The following DIAPH2 variants were observed in gnomAD, a reference collection of about 807,000 sequenced individuals.
The protein encoded by DIAPH2 is protein diaphanous homolog 2.
Under a neutral mutation model 92.7 loss-of-function variants are expected in DIAPH2, and 35 were observed. That is an observed-to-expected ratio of 0.38 (90% CI 0.29 to 0.50). The LOEUF is 0.50. DIAPH2 is among the 20% of genes least tolerant of loss of function. DIAPH2 has a pLI of 0.94. For missense variants in DIAPH2, 701 were observed against 819.5 expected (o/e 0.86, Z 1.77); for synonymous variants, 301 against 280.4 (o/e 1.07, Z -0.73).
At chrX:97,488,356 A>G (rs1386874831) in intron 26 of DIAPH2, among the ~76,000 whole-genome samples, 1 of 112,213 alleles carries the variant, frequency 8.9e-6, no homozygotes, top group Non-Finnish European at 1.9e-5. Flanking sequence ...TTGCATAGTT[A>G]GCCCTTTATC....
intron 4 of DIAPH2, among the ~76,000 whole-genome samples, chrX:96,836,963 G>A (rs1240405770): frequency 9.5e-6 from 1 of 104,972 alleles, no homozygotes; most frequent in Non-Finnish European, 1.9e-5. Flanking sequence ...TCCTGACCTC[G>A]TGATCCGCCC....
At chrX:96,716,137 A>T (rs1239735305) in intron 1 of DIAPH2, among the ~76,000 whole-genome samples, 1 of 111,629 alleles carries the variant, frequency 9.0e-6, no homozygotes, top group Non-Finnish European at 1.9e-5. Context: ...GATATGTTTA[A>T]TCATTGTCCC....
chrX:96,923,474 C>T (rs1191901395), intron 9 of DIAPH2, among the ~76,000 whole-genome samples: 1 of 112,142 alleles, frequency 8.9e-6, no homozygotes, highest in Non-Finnish European at 1.9e-5. Flanking sequence ...GAGCAGCCTA[C>T]AAATGTCACC....
chrX:97,493,387 G>A (rs1318063590), intron 26 of DIAPH2, among the ~76,000 whole-genome samples: 1 of 110,556 alleles, frequency 9.0e-6, no homozygotes, highest in African/African-American at 3.3e-5. Context: ...TCAGCCTCCT[G>A]AGTAGCTGGG....
At chrX:96,809,913 A>G (rs1569401210) in intron 4 of DIAPH2, among the ~76,000 whole-genome samples, 1 of 112,367 alleles carries the variant, frequency 8.9e-6, no homozygotes, top group African/African-American at 3.2e-5. Flanking sequence ...AATCCAATCT[A>G]TCACAGATGG....
intron 26 of DIAPH2, among the ~76,000 whole-genome samples, chrX:97,495,515 C>A (rs778065350): frequency 9.0e-6 from 1 of 111,314 alleles, no homozygotes; most frequent in South Asian, 3.8e-4. Context: ...TAAGTGGTAC[C>A]AAGGTATCAG....
chrX:97,334,998 C>CAAAAAAAAAAAA (rs746536131), intron 23 of DIAPH2, among the ~76,000 whole-genome samples: 467 of 31,277 alleles, frequency 0.015, 21 homozygotes, highest in African/African-American at 0.02. Context: ...AAAAACAAAA[C>CAAAAAAAAAAAA]AAAAAAAAAA....
intron 22 of DIAPH2, among the ~76,000 whole-genome samples, chrX:97,230,548 C>T (rs1178645362): frequency 1.8e-5 from 2 of 111,578 alleles, no homozygotes. Flanking sequence ...GTCACAGACC[C>T]ATTTGTATGT....
intron 4 of DIAPH2, among the ~76,000 whole-genome samples, chrX:96,874,452 A>G (rs1230749608): frequency 8.9e-6 from 1 of 112,269 alleles, no homozygotes; most frequent in African/African-American, 3.2e-5. Flanking sequence ...ATTGCTTAAC[A>G]CTAGTTTTAA....
chrX:96,704,859 A>G (rs958730480), intron 1 of DIAPH2, among the ~76,000 whole-genome samples: 1 of 111,232 alleles, frequency 9.0e-6, no homozygotes, highest in Non-Finnish European at 1.9e-5. Context: ...GGAACAGGAA[A>G]GATTAATAAT....
intron 23 of DIAPH2, among the ~76,000 whole-genome samples, chrX:97,297,061 G>A (rs1249846480): frequency 1.0e-5 from 1 of 96,492 alleles, no homozygotes; most frequent in Non-Finnish European, 2.0e-5. Flanking sequence ...ACAGGTGTGA[G>A]CCACCAGGCC....
intron 22 of DIAPH2, among the ~76,000 whole-genome samples, chrX:97,224,688 T>G (rs1198185055): frequency 8.9e-6 from 1 of 111,813 alleles, no homozygotes; most frequent in Non-Finnish European, 1.9e-5. Flanking sequence ...TAATCCTTAT[T>G]TGAGTCATTC....
At chrX:97,376,148 T>C (rs1265218801) in intron 24 of DIAPH2, among the ~76,000 whole-genome samples, 1 of 111,233 alleles carries the variant, frequency 9.0e-6, no homozygotes, top group Non-Finnish European at 1.9e-5. Context: ...CCCAGGAACC[T>C]TCATCACTCA....
intron 21 of DIAPH2, among the ~76,000 whole-genome samples, chrX:97,140,830 A>G (rs937718799): frequency 2.7e-5 from 3 of 111,730 alleles, no homozygotes; most frequent in African/African-American, 9.7e-5. Flanking sequence ...AAAATTCCAA[A>G]TCAGTATGAA....
intron 1 of DIAPH2, among the ~76,000 whole-genome samples, chrX:96,690,036 A>G (rs1221180681): frequency 9.2e-6 from 1 of 109,065 alleles, no homozygotes; most frequent in South Asian, 4.0e-4. Context: ...ACCTATCCAT[A>G]CATTCCTCTT....
chrX:97,357,833 G>A lies in DIAPH2; in HGVS notation c.3009+9553G>A, dbSNP rs970294623. Among the ~76,000 whole-genome samples the A allele has an allele frequency of 3.6e-5, 4 of 112,063 alleles. No homozygotes were observed. The South Asian group carries it at 1.5e-3, about 42-fold the overall frequency. Reference sequence around the variant, plus strand: ...ATACATATGTACAAAGAGCTTGTAAGCACAGAGCAGTGAGGCATTTCTTCT... The same window carrying A: ...ATACATATGTACAAAGAGCTTGTAAACACAGAGCAGTGAGGCATTTCTTCT... On this transcript the variant is annotated intron_variant, in intron 24 of 26. Coordinates refer to ENST00000324765, the MANE Select transcript of DIAPH2 (RefSeq NM_006729.5).
intron 22 of DIAPH2, among the ~76,000 whole-genome samples, chrX:97,160,998 A>C (rs764310699): frequency 4.6e-5 from 5 of 109,032 alleles, no homozygotes; most frequent in Admixed American, 9.8e-5. Context: ...CAAGGGAAAA[A>C]CTTTCTTGCA....
intron 23 of DIAPH2, among the ~76,000 whole-genome samples, chrX:97,331,398 T>C (rs766860718): frequency 9.0e-6 from 1 of 111,731 alleles, no homozygotes; most frequent in South Asian, 3.7e-4. Context: ...CCAGTAAAAT[T>C]AGTAAATTCT....
intron 26 of DIAPH2, among the ~76,000 whole-genome samples, chrX:97,594,266 G>A (rs1170036970): frequency 9.0e-6 from 1 of 111,353 alleles, no homozygotes; most frequent in Non-Finnish European, 1.9e-5. Flanking sequence ...AACTAGTAGA[G>A]CAATTGGCTG....
Sources: gnomAD v4.1 joint callset for allele counts (sites outside exome capture counted in the v4.1 genomes callset) on GRCh38, gnomAD v4.1.1 for gene constraint, MANE v1.5 for transcripts, NCBI Gene and HGNC (gene_info 2026-07-23, HGNC 2026-07-21) for gene names.